The following ORC4 variants were observed in gnomAD, a reference collection of about 807,000 sequenced individuals.
The protein encoded by ORC4 is origin recognition complex, subunit 4 homolog.
ORC4 carries 55 observed loss-of-function variants against 63.9 expected under a neutral mutation model. The observed-to-expected ratio is 0.86, with a 90% CI of 0.69 to 1.08. The LOEUF is 1.08. ORC4 is among the 50% of genes least tolerant of loss of function. The probability of loss-of-function intolerance (pLI) is 0.00; values close to 1 mark genes in which losing one functional copy is unlikely to be tolerated. For synonymous variants in ORC4, 150 were observed against 168.5 expected, an observed-to-expected ratio of 0.89 and a Z score of 0.85; for missense variants, 511 against 504.4, an observed-to-expected ratio of 1.01 and a Z score of -0.13.
rs776695308 is a variant in ORC4, at chr2:147,973,524, C to A, written c.58G>T (p.Val20Leu). 1.3e-6 allele frequency: 2 copies of A among 1,555,892 alleles called. No individual in the cohort carries two copies. The highest frequency in any genetic ancestry group is 1.8e-6 in the Non-Finnish European group (2 of 1,129,168). Residue 20 changes from valine (V) to leucine (L), a missense_variant and splice_region_variant, in exon 3 of 14, where the codon GTA (valine) becomes TTA (leucine). By Grantham distance (32) the Val-to-Leu change is conservative (BLOSUM62 1). Coordinates refer to ENST00000392857, the MANE Select transcript of ORC4 (RefSeq NM_181741.4). The part of the protein sequence containing the change: ...SLIHTECLSQ[V>L]QRILRERFCR... ...AATCTTTCACGTAAAATTCTTTGTACCTGATGAAAATAAAGTGAATAAATA... is the reference window on the plus strand; with the variant it reads ...AATCTTTCACGTAAAATTCTTTGTAACTGATGAAAATAAAGTGAATAAATA...
At chr2:148,018,442 A>C (rs182978087) in intron 1 of ORC4, among the ~76,000 whole-genome samples, 1 of 152,236 alleles carries the variant, frequency 6.6e-6, no homozygotes, top group Non-Finnish European at 1.5e-5. Flanking sequence ...ACCCATGGTA[A>C]TGTACATTAA....
chr2:147,960,178 TC>T (rs1689508761), intron 4 of ORC4: 1 of 743,408 alleles, frequency 1.3e-6, no homozygotes, highest in African/African-American at 1.9e-5. Flanking sequence ...AATAATACCT[TC>T]CATTTTATAT....
intron 1 of ORC4, among the ~76,000 whole-genome samples, chr2:148,015,164 A>G (rs1346589140): frequency 6.6e-6 from 1 of 152,010 alleles, no homozygotes; most frequent in Non-Finnish European, 1.5e-5. Context: ...AGAGTGAAAC[A>G]GCAGAAAAAT....
chr2:147,979,788 T>TA (rs1317997812), intron 1 of ORC4, among the ~76,000 whole-genome samples: 3 of 152,130 alleles, frequency 2.0e-5, no homozygotes, highest in Non-Finnish European at 4.4e-5. Flanking sequence ...ACAGTTGACT[T>TA]ATGTTCAACA....
intron 1 of ORC4, among the ~76,000 whole-genome samples, chr2:147,978,355 G>A (rs1371380262): frequency 6.6e-6 from 1 of 152,216 alleles, no homozygotes; most frequent in Non-Finnish European, 1.5e-5. Context: ...AGATTGGCAA[G>A]TCTGTACTGA....
chr2:147,950,013 G>A (rs1047155291), intron 8 of ORC4, among the ~76,000 whole-genome samples: 2 of 152,142 alleles, frequency 1.3e-5, no homozygotes, highest in Non-Finnish European at 2.9e-5. Flanking sequence ...TGGTTAGTTT[G>A]GGAAGGTGGA....
intron 4 of ORC4, among the ~76,000 whole-genome samples, chr2:147,968,945 G>A (rs1457551905): frequency 6.6e-6 from 1 of 151,830 alleles, no homozygotes; most frequent in Non-Finnish European, 1.5e-5. Context: ...ATACTGTTCA[G>A]CCATTAAAAA....
Position 147,930,418 on chromosome 2 carries a change from A to ACTT in ORC4, c.*5089_*5091dup, listed in dbSNP as rs1448536536. 11 of 147,468 alleles carry ACTT rather than the reference A, an allele frequency of 7.5e-5. No homozygotes were observed. Among genetic ancestry groups the ACTT allele is most frequent in the Admixed American group, 6.8e-4 (10 of 14,690 alleles). 9.1% of individuals were successfully genotyped at this position (147,468 alleles called of 1,614,324 possible). A position where few individuals can be genotyped will look rare whatever the true frequency, so the allele number is the denominator to read the frequency against. On this transcript the variant is annotated 3_prime_UTR_variant, in exon 14 of 14. Coordinates refer to ENST00000392857, the MANE Select transcript of ORC4 (RefSeq NM_181741.4). ...AGATACTTTCCAGTTTCTCTTTTAT[A>ACTT]CTTTTTTGAAAGATTACTTTTTAGG...
intron 1 of ORC4, among the ~76,000 whole-genome samples, chr2:147,980,174 G>A (rs372039163): frequency 6.6e-6 from 1 of 151,932 alleles, no homozygotes; most frequent in African/African-American, 2.4e-5. Context: ...ATATGTAGTC[G>A]CTCCTCATCA....
intron 1 of ORC4, among the ~76,000 whole-genome samples, chr2:148,014,575 A>C (rs1693151614): frequency 6.6e-6 from 1 of 152,222 alleles, no homozygotes; most frequent in Admixed American, 6.5e-5. Flanking sequence ...AAAATTTAGA[A>C]ACTGGAATTA....
At chr2:147,957,291 T>C (rs1689317440) in intron 6 of ORC4, among the ~76,000 whole-genome samples, 1 of 149,128 alleles carries the variant, frequency 6.7e-6, no homozygotes, top group Non-Finnish European at 1.5e-5. Flanking sequence ...TTTTATAGAT[T>C]GATTATTAAA....
intron 10 of ORC4, among the ~76,000 whole-genome samples, chr2:147,941,249 C>T (rs964286770): frequency 2.6e-5 from 4 of 151,974 alleles, no homozygotes; most frequent in Admixed American, 6.6e-5. Flanking sequence ...TATTGACAGA[C>T]ATCTTTCATT....
chr2:148,001,038 T>C (rs1432500868), intron 1 of ORC4, among the ~76,000 whole-genome samples: 3 of 152,114 alleles, frequency 2.0e-5, no homozygotes, highest in African/African-American at 7.2e-5. Flanking sequence ...TTAGAAGTAT[T>C]TCCCTCTATT....
intron 1 of ORC4, among the ~76,000 whole-genome samples, chr2:147,983,709 T>C (rs1210156710): frequency 6.6e-6 from 1 of 152,202 alleles, no homozygotes; most frequent in Non-Finnish European, 1.5e-5. Flanking sequence ...GAAACAAATT[T>C]CTGCTGAAGA....
Position 147,938,520 on chromosome 2 carries a change from A to G in ORC4, c.959-127T>C, listed in dbSNP as rs1282343057. 3 of 664,722 alleles carry G rather than the reference A, an allele frequency of 4.5e-6. No individual in the cohort carries two copies. The African/African-American group carries it at 5.5e-5, about 12-fold the overall frequency. The allele number at this position is 664,722 out of a possible 1,614,324, so 41.2% of individuals were successfully genotyped here. A position where few individuals can be genotyped will look rare whatever the true frequency, so the allele number is the denominator to read the frequency against. ...GGGTGAAGAAGGTCAAGATTCTTCT[A>G]GATTTCAATGTGTTTCAATTATCTA... On this transcript the variant is annotated intron_variant, in intron 11 of 13. Transcript: ENST00000392857.
chr2:147,958,264 G>C (rs1011629998), intron 6 of ORC4, 34 bp downstream of exon 6: 7 of 1,333,374 alleles, frequency 5.2e-6, no homozygotes, highest in Non-Finnish European at 7.5e-6. Context: ...TACCTTAAAA[G>C]TCTATTTAAT....
At chr2:147,975,782 G>A in intron 2 of ORC4, 120 bp downstream of exon 2, 3 of 736,084 alleles carry the variant, frequency 4.1e-6, no homozygotes, top group Middle Eastern at 3.5e-4. Context: ...ATCTCCCTAA[G>A]GTTAGAAAGA....
At chr2:148,002,900 T>C (rs1316612169) in intron 1 of ORC4, among the ~76,000 whole-genome samples, 1 of 151,922 alleles carries the variant, frequency 6.6e-6, no homozygotes, top group African/African-American at 2.4e-5. Flanking sequence ...AAGAATCAAA[T>C]AGACACAATA....
intron 6 of ORC4, among the ~76,000 whole-genome samples, chr2:147,956,551 T>C (rs1458510115): frequency 6.6e-6 from 1 of 152,122 alleles, no homozygotes; most frequent in Admixed American, 6.6e-5. Context: ...GTCCAGGCTC[T>C]GCCATTTTAT....
Sources: allele counts gnomAD v4.1 joint callset (sites outside exome capture counted in the v4.1 genomes callset), GRCh38; gene constraint gnomAD v4.1.1; transcripts MANE v1.5; gene names NCBI Gene and HGNC (gene_info 2026-07-23, HGNC 2026-07-21).